The following PID1 variants were observed in gnomAD, a reference collection of about 807,000 sequenced individuals.
PID1 encodes phosphotyrosine interaction domain containing 1, also known as PTB-containing, cubilin and LRP1-interacting protein.
Under a neutral mutation model 19.1 loss-of-function variants are expected in PID1, and 10 were observed. The ratio of observed to expected loss-of-function variants is 0.52; its 90% CI spans 0.32 to 0.89. The LOEUF (loss-of-function observed/expected upper bound fraction) is 0.89. Among genes scored for constraint, PID1 ranks in the 40% least tolerant of loss-of-function variants. The pLI is 0.03. For synonymous variants in PID1, 130 were observed against 116.0 expected, an observed-to-expected ratio of 1.12 and a Z score of -0.78; for missense variants, 248 against 285.3, an observed-to-expected ratio of 0.87 and a Z score of 0.94.
intron 2 of PID1, among the ~76,000 whole-genome samples, chr2:229,070,948 A>G (rs1694439000): frequency 6.6e-6 from 1 of 152,156 alleles, no homozygotes; most frequent in Non-Finnish European, 1.5e-5. Context: ...CTCCTAAAAC[A>G]ATCCAACTGC....
intron 2 of PID1, among the ~76,000 whole-genome samples, chr2:229,154,187 C>CT (rs1441453979): frequency 2.0e-5 from 3 of 152,104 alleles, no homozygotes; most frequent in Non-Finnish European, 4.4e-5. Context: ...GCTCACTTGC[C>CT]TTATTCCACT....
At chr2:229,031,919 G>A (rs1693562849) in intron 2 of PID1, among the ~76,000 whole-genome samples, 1 of 152,130 alleles carries the variant, frequency 6.6e-6, no homozygotes, top group African/African-American at 2.4e-5. Flanking sequence ...TTGACTGTAA[G>A]TCACTGAAAA....
chr2:229,233,928 G>A (rs773316874), intron 1 of PID1, among the ~76,000 whole-genome samples: 3 of 152,182 alleles, frequency 2.0e-5, no homozygotes, highest in Admixed American at 6.5e-5. Context: ...ATCATGTTAG[G>A]ATAGGCACAA....
At chr2:229,058,428 C>T (rs916368311) in intron 2 of PID1, among the ~76,000 whole-genome samples, 4 of 152,196 alleles carry the variant, frequency 2.6e-5, no homozygotes, top group African/African-American at 9.6e-5. Flanking sequence ...ATGCTGGTTA[C>T]ACCTAGAGTG....
intron 2 of PID1, among the ~76,000 whole-genome samples, chr2:229,093,287 C>T (rs529763351): frequency 1.7e-3 from 253 of 152,084 alleles, no homozygotes; most frequent in African/African-American, 5.9e-3. Context: ...CCATGCCCAG[C>T]TAATTTTTGT....
intron 1 of PID1, among the ~76,000 whole-genome samples, chr2:229,190,506 C>T (rs542418573): frequency 1.6e-4 from 25 of 152,138 alleles, no homozygotes; most frequent in African/African-American, 5.6e-4. Context: ...ACAGAGGAGA[C>T]GGGCACAGAG....
rs921219852 is a variant in PID1 at position 229,254,355 on chromosome 2, T to C, written c.30+16659A>G. Reference sequence around the variant, plus strand: ...GTCTTAGCATTCCTATTGAACTGTTTATTTTTTCAACTTCTAGGGACAACT... The same window carrying C: ...GTCTTAGCATTCCTATTGAACTGTTCATTTTTTCAACTTCTAGGGACAACT... On this transcript the variant is annotated intron_variant, in intron 1 of 2. Coordinates refer to ENST00000392055, the MANE Select transcript of PID1 (RefSeq NM_001100818.2). Among the ~76,000 whole-genome samples the C allele has an allele frequency of 1.3e-5, 2 of 152,224 alleles. 1 individual carries two copies. The highest frequency in any genetic ancestry group is 6.3e-3 in the Middle Eastern group (2 of 316).
At chr2:229,220,573 G>C (rs1411934263) in intron 1 of PID1, among the ~76,000 whole-genome samples, 1 of 152,110 alleles carries the variant, frequency 6.6e-6, no homozygotes, top group Non-Finnish European at 1.5e-5. Context: ...GATGGCAGCA[G>C]GCAGGGCCCA....
At chr2:229,252,901 G>T (rs962517443) in intron 1 of PID1, among the ~76,000 whole-genome samples, 1 of 152,182 alleles carries the variant, frequency 6.6e-6, no homozygotes, top group Non-Finnish European at 1.5e-5. Context: ...GGTGGGGAAG[G>T]GGGTAGGGGG....
chr2:229,246,835 G>A (rs1690016068), intron 1 of PID1, among the ~76,000 whole-genome samples: 1 of 152,092 alleles, frequency 6.6e-6, no homozygotes, highest in South Asian at 2.1e-4. Flanking sequence ...AGCACAAGAA[G>A]TCGCCTAAGA....
intron 1 of PID1, among the ~76,000 whole-genome samples, chr2:229,211,918 T>C (rs2106250068): frequency 6.6e-6 from 1 of 152,364 alleles, no homozygotes; most frequent in Admixed American, 6.5e-5. Context: ...TTCTTACTCA[T>C]CTTAAGGCTG....
rs189894024 is a variant in PID1 at position 229,095,789 on chromosome 2, T to G, written c.177+60029A>C. Among the ~76,000 whole-genome samples the G allele has an allele frequency of 2.0e-5, 3 of 152,280 alleles. 1 individual carries two copies. The highest frequency in any genetic ancestry group is 2.0e-4 in the Admixed American group (3 of 15,290). On this transcript the variant is annotated intron_variant, in intron 2 of 2. Coordinates refer to ENST00000392055, the MANE Select transcript of PID1 (RefSeq NM_001100818.2). The stretch of plus-strand genomic sequence containing the variant: ...GACTGAAAAATGTTTCTTCTGGATA[T>G]GAGCAGTCATAAAAAAAAGTCTTTG...
chr2:229,202,655 C>T (rs919289153), intron 1 of PID1, among the ~76,000 whole-genome samples: 1 of 152,026 alleles, frequency 6.6e-6, no homozygotes, highest in African/African-American at 2.4e-5. Flanking sequence ...GCTAAATCTT[C>T]CTGTCACCTG....
intron 1 of PID1, among the ~76,000 whole-genome samples, chr2:229,179,913 A>G (rs1374090340): frequency 1.3e-5 from 2 of 152,186 alleles, no homozygotes; most frequent in Non-Finnish European, 2.9e-5. Flanking sequence ...CCATCTGCCC[A>G]GACTCACCTT....
At chr2:229,269,552 G>A (rs1055741626) in intron 1 of PID1, among the ~76,000 whole-genome samples, 2 of 152,226 alleles carry the variant, frequency 1.3e-5, no homozygotes, top group East Asian at 3.8e-4. Context: ...GCTACCCTCT[G>A]CACTTGAACA....
intron 2 of PID1, among the ~76,000 whole-genome samples, chr2:229,033,282 C>T (rs565545579): frequency 2.0e-5 from 3 of 152,148 alleles, no homozygotes; most frequent in African/African-American, 7.2e-5. Context: ...TGGAGTTCTT[C>T]GACTTTCCAA....
intron 2 of PID1, among the ~76,000 whole-genome samples, chr2:229,094,075 T>C (rs147574811): frequency 6.6e-6 from 1 of 152,268 alleles, no homozygotes; most frequent in East Asian, 1.9e-4. Context: ...GATTCCTAGA[T>C]TTAATACATT....
chr2:229,065,102 T>A (rs1694295032), intron 2 of PID1, among the ~76,000 whole-genome samples: 1 of 152,176 alleles, frequency 6.6e-6, no homozygotes, highest in Non-Finnish European at 1.5e-5. Context: ...CAGCACATTC[T>A]CAAGGTGCTC....
At chr2:229,149,074 T>C (rs931610713) in intron 2 of PID1, among the ~76,000 whole-genome samples, 4 of 150,684 alleles carry the variant, frequency 2.7e-5, no homozygotes, top group African/African-American at 9.7e-5. Flanking sequence ...ATGTAAATTT[T>C]ATAGAATATT....
Sources: allele counts gnomAD v4.1 joint callset (sites outside exome capture counted in the v4.1 genomes callset), GRCh38; gene constraint gnomAD v4.1.1; transcripts MANE v1.5; gene names NCBI Gene and HGNC (gene_info 2026-07-23, HGNC 2026-07-21).